Variants in PCDHGB1 observed in about 807,000 individuals in gnomAD.
PCDHGB1 encodes protocadherin gamma-B1.
Under a neutral mutation model 56.6 loss-of-function variants are expected in PCDHGB1, and 34 were observed. The observed-to-expected ratio is 0.60, with a 90% CI of 0.46 to 0.80. The LOEUF (loss-of-function observed/expected upper bound fraction) is 0.80. PCDHGB1 is among the 30% of genes least tolerant of loss of function. PCDHGB1 has a pLI of 0.00. For synonymous variants in PCDHGB1, 561 were observed against 505.9 expected (o/e 1.11, Z -1.46); for missense variants, 1,278 against 1,204.6 (o/e 1.06, Z -0.90).
At chr5:141,450,046 G>A (rs1390669307) in intron 1 of PCDHGB1, among the ~76,000 whole-genome samples, 4 of 121,108 alleles carry the variant, frequency 3.3e-5, no homozygotes, top group Admixed American at 1.1e-4. Context: ...TCACTCTTTC[G>A]CCCAGGCTGG....
At chr5:141,355,426 G>T (rs368097715) in intron 1 of PCDHGB1, 11 of 1,614,068 alleles carry the variant, frequency 6.8e-6, no homozygotes, top group Non-Finnish European at 9.3e-6. Flanking sequence ...GCAGCTTTTC[G>T]CCCTGAACCC....
intron 1 of PCDHGB1, chr5:141,478,803 T>G: frequency 2.1e-6 from 3 of 1,463,244 alleles, no homozygotes; most frequent in Non-Finnish European, 2.7e-6. Context: ...AGCACTCTTT[T>G]GCTATCACAA....
At chr5:141,430,100 C>T (rs6874907) in intron 1 of PCDHGB1, among the ~76,000 whole-genome samples, 7,606 of 152,160 alleles carry the variant, frequency 0.05, 372 homozygotes, top group African/African-American at 0.13. Context: ...GATTTTTAAG[C>T]GTTACATGTC....
Position 141,360,726 on chromosome 5 carries a change from A to G in PCDHGB1, c.2409+8057A>G, listed in dbSNP as rs546905813. On this transcript the variant is annotated intron_variant, in intron 1 of 3. Coordinates refer to ENST00000523390, the MANE Select transcript of PCDHGB1 (RefSeq NM_018922.3). ...GTAAATATCCTGAGTTGATTCTAAA[A>G]CACTCTCTGGACAGAGAAGAGCACA... The G allele has an allele frequency of 1.6e-5, 26 of 1,613,970 alleles. No individual in the cohort carries two copies. In the Admixed American group the frequency reaches 4.3e-4, roughly 27 times the overall value.
chr5:141,397,004 T>A (rs2150690904), intron 1 of PCDHGB1, among the ~76,000 whole-genome samples: 2 of 152,342 alleles, frequency 1.3e-5, no homozygotes, highest in African/African-American at 4.8e-5. Context: ...ATCTGACAAA[T>A]GGACTAAAGA....
At chr5:141,482,442 C>A (rs942933015) in intron 1 of PCDHGB1, among the ~76,000 whole-genome samples, 23 of 147,678 alleles carry the variant, frequency 1.6e-4, no homozygotes, top group African/African-American at 5.6e-4. Context: ...CTGATATTCA[C>A]CATTTATTAG....
At position 141,487,577 on chromosome 5, in the gene PCDHGB1, C is replaced by T; in HGVS notation, c.2410-7230C>T. 1 of 1,614,150 alleles carries T rather than the reference C, an allele frequency of 6.2e-7. No homozygotes were observed. Among genetic ancestry groups the T allele is most frequent in the Non-Finnish European group, 8.5e-7 (1 of 1,180,024 alleles). On this transcript the variant is annotated intron_variant, in intron 1 of 3. Transcript: ENST00000523390. This position sits in a 1 kb window ranked among gnomAD's most constrained non-coding sequence, Gnocchi z 5.0. ...ACCTATGGCAGGGGAGCCTGTTCGCCCAAGCTGCCCACCCTCTGATCTTCT... is the reference window on the plus strand; with the variant it reads ...ACCTATGGCAGGGGAGCCTGTTCGCTCAAGCTGCCCACCCTCTGATCTTCT...
At chr5:141,448,114 A>G (rs1483138819) in intron 1 of PCDHGB1, among the ~76,000 whole-genome samples, 1 of 151,948 alleles carries the variant, frequency 6.6e-6, no homozygotes, top group Non-Finnish European at 1.5e-5. Flanking sequence ...AGAAAAGAAA[A>G]TTAGCCTCCC....
chr5:141,505,210 A>G (rs899138393), intron 2 of PCDHGB1, among the ~76,000 whole-genome samples, 183 bp from the exon 3 acceptor site: 3 of 152,192 alleles, frequency 2.0e-5, no homozygotes, highest in African/African-American at 7.2e-5. Flanking sequence ...GGTTTGAGGG[A>G]CTGACTTGTG....
At chr5:141,371,849 C>T (rs1323132095) in intron 1 of PCDHGB1, 2 of 1,613,542 alleles carry the variant, frequency 1.2e-6, no homozygotes, top group Admixed American at 1.7e-5. Flanking sequence ...GACCTAATGG[C>T]CTTGTCTCCT....
chr5:141,466,297 A>G (rs1206472131), intron 1 of PCDHGB1, among the ~76,000 whole-genome samples: 3 of 152,146 alleles, frequency 2.0e-5, no homozygotes, highest in East Asian at 1.9e-4. Flanking sequence ...CAGGCTCCCA[A>G]GTAGCTGGGA....
At chr5:141,360,870 C>G in intron 1 of PCDHGB1, 2 of 1,613,990 alleles carry the variant, frequency 1.2e-6, no homozygotes, top group Admixed American at 1.7e-5. Flanking sequence ...TCAGCCAGGA[C>G]GTGTACAGGG....
intron 1 of PCDHGB1, among the ~76,000 whole-genome samples, chr5:141,455,428 GA>G (rs2098822635): frequency 6.6e-6 from 1 of 152,176 alleles, no homozygotes; most frequent in Non-Finnish European, 1.5e-5. Context: ...GGCTCCAAAA[GA>G]GGAGGTCCCC....
chr5:141,462,782 T>C (rs1397671639), intron 1 of PCDHGB1, among the ~76,000 whole-genome samples: 1 of 152,220 alleles, frequency 6.6e-6, no homozygotes, highest in Non-Finnish European at 1.5e-5. Flanking sequence ...TCATAATTTG[T>C]TGCTTATTTG....
intron 1 of PCDHGB1, among the ~76,000 whole-genome samples, chr5:141,473,313 T>C (rs1173941642): frequency 2.7e-4 from 41 of 152,246 alleles, no homozygotes; most frequent in Non-Finnish European, 5.9e-5. Context: ...GCTATATTAA[T>C]AAGCATTAAG....
intron 1 of PCDHGB1, chr5:141,374,106 C>T (rs377211748): frequency 1.1e-5 from 17 of 1,572,446 alleles, no homozygotes; most frequent in South Asian, 3.5e-5. Flanking sequence ...CAGAGGCATC[C>T]GCAGCGCAGC....
At chr5:141,371,075 G>A in intron 1 of PCDHGB1, 1 of 1,613,904 alleles carries the variant, frequency 6.2e-7, no homozygotes, top group Non-Finnish European at 8.5e-7. Context: ...GTACCACCCA[G>A]ATCAGGGTAA....
intron 1 of PCDHGB1, chr5:141,408,068 C>G: frequency 7.3e-7 from 1 of 1,367,282 alleles, no homozygotes; most frequent in Non-Finnish European, 9.7e-7. Flanking sequence ...GCTGCGCAGA[C>G]CTTTCCCAGC....
chr5:141,511,598 A>C lies in PCDHGB1; in HGVS notation c.*425A>C. ...GGTTGGGGTGTTGAAGTACCAAGTA[A>C]CCTACAAGCCTCCTAGTTCTGAAAA... On this transcript the variant is annotated 3_prime_UTR_variant, in exon 4 of 4. Transcript: ENST00000523390. 3.9e-6 allele frequency: 1 copy of C among 255,742 alleles called. No individual in the cohort carries two copies. The highest frequency in any genetic ancestry group is 7.8e-6 in the Non-Finnish European group (1 of 127,952). The allele number at this position is 255,742 out of a possible 1,614,324, so 15.8% of individuals were successfully genotyped here.
Sources: allele counts gnomAD v4.1 joint callset (sites outside exome capture counted in the v4.1 genomes callset), GRCh38; gene constraint gnomAD v4.1.1; non-coding constraint Gnocchi (gnomAD v3.1); transcripts MANE v1.5; gene names NCBI Gene and HGNC (gene_info 2026-07-23, HGNC 2026-07-21).